The following CTNNA3 variants were observed in gnomAD, a reference collection of about 807,000 sequenced individuals.
The protein encoded by CTNNA3 is catenin alpha-3.
CTNNA3 carries 76 observed loss-of-function variants against 95.7 expected under a neutral mutation model. The ratio of observed to expected loss-of-function variants is 0.79; its 90% CI spans 0.66 to 0.96. The LOEUF (loss-of-function observed/expected upper bound fraction) is 0.96. Among genes scored for constraint, CTNNA3 ranks in the 40% least tolerant of loss-of-function variants. The probability of loss-of-function intolerance (pLI) is 0.00; values close to 1 mark genes in which losing one functional copy is unlikely to be tolerated. For synonymous variants in CTNNA3, 431 were observed against 374.4 expected, an observed-to-expected ratio of 1.15 and a Z score of -1.74; for missense variants, 1,191 against 1,089.8, an observed-to-expected ratio of 1.09 and a Z score of -1.31.
intron 5 of CTNNA3, among the ~76,000 whole-genome samples, chr10:67,480,879 A>C (rs1218271440): frequency 6.6e-6 from 1 of 152,132 alleles, no homozygotes; most frequent in African/African-American, 2.4e-5. Context: ...AGCAAACTGA[A>C]TCCAGTAGCA....
intron 3 of CTNNA3, among the ~76,000 whole-genome samples, chr10:67,575,589 G>C (rs935961311): frequency 1.3e-5 from 2 of 152,126 alleles, no homozygotes; most frequent in South Asian, 2.1e-4. Flanking sequence ...GAATTCAAGT[G>C]ATCACCTCAG....
At chr10:66,354,602 G>A (rs72802875) in intron 12 of CTNNA3, among the ~76,000 whole-genome samples, 6 of 152,092 alleles carry the variant, frequency 3.9e-5, no homozygotes, top group Admixed American at 3.3e-4. Flanking sequence ...TAAGTGGATC[G>A]TTGAAAATGC....
chr10:66,151,767 A>T (rs545052344), intron 13 of CTNNA3, among the ~76,000 whole-genome samples: 5 of 151,988 alleles, frequency 3.3e-5, no homozygotes, highest in Non-Finnish European at 7.4e-5. Flanking sequence ...AGTTTGAGTT[A>T]AGCTACACCA....
chr10:67,623,113 C>G (rs1167524584), intron 2 of CTNNA3, among the ~76,000 whole-genome samples: 3 of 152,016 alleles, frequency 2.0e-5, no homozygotes, highest in Non-Finnish European at 4.4e-5. Flanking sequence ...GAATAATCAG[C>G]AAGAGTACAA....
intron 2 of CTNNA3, among the ~76,000 whole-genome samples, chr10:67,616,745 A>T (rs541245789): frequency 2.0e-5 from 3 of 152,216 alleles, no homozygotes; most frequent in Non-Finnish European, 4.4e-5. Flanking sequence ...GAGTTTTTAA[A>T]GTGGAGACTA....
At chr10:66,352,174 T>A (rs2092571438) in intron 12 of CTNNA3, among the ~76,000 whole-genome samples, 1 of 151,978 alleles carries the variant, frequency 6.6e-6, no homozygotes, top group African/African-American at 2.4e-5. Context: ...ATGGAAGGAA[T>A]ATTTCATTAT....
At chr10:66,485,810 C>T (rs998018587) in intron 11 of CTNNA3, among the ~76,000 whole-genome samples, 4 of 151,990 alleles carry the variant, frequency 2.6e-5, no homozygotes, top group African/African-American at 9.7e-5. Flanking sequence ...AATAACAAAC[C>T]TAGAGGCATC....
chr10:66,781,319 T>C (rs74141675), intron 7 of CTNNA3, among the ~76,000 whole-genome samples: 19,453 of 152,242 alleles, frequency 0.13, 1,902 homozygotes, highest in African/African-American at 0.27. Context: ...AAAGATGAAA[T>C]ATGATACCCT....
intron 1 of CTNNA3, among the ~76,000 whole-genome samples, chr10:67,674,803 C>A (rs948797835): frequency 2.0e-5 from 3 of 149,892 alleles, no homozygotes; most frequent in African/African-American, 7.3e-5. Context: ...TGTTCATTTC[C>A]TTACTGACTT....
At chr10:67,069,901 G>A (rs1406289000) in intron 7 of CTNNA3, among the ~76,000 whole-genome samples, 1 of 152,096 alleles carries the variant, frequency 6.6e-6, no homozygotes, top group Non-Finnish European at 1.5e-5. Flanking sequence ...TGGTTAACAT[G>A]TGTACATATT....
At chr10:67,158,141 G>C (rs1861389561) in intron 7 of CTNNA3, among the ~76,000 whole-genome samples, 1 of 151,920 alleles carries the variant, frequency 6.6e-6, no homozygotes, top group South Asian at 2.1e-4. Context: ...TGTGTTACTG[G>C]CACTATTAAA....
At chr10:66,048,356 AC>A (rs2079874041) in intron 15 of CTNNA3, among the ~76,000 whole-genome samples, 1 of 152,222 alleles carries the variant, frequency 6.6e-6, no homozygotes, top group South Asian at 2.1e-4. Context: ...GACAAAGCTG[AC>A]AAAAATAAGC....
chr10:66,528,938 GAC>G (rs2132042736), intron 10 of CTNNA3, among the ~76,000 whole-genome samples: 1 of 152,144 alleles, frequency 6.6e-6, no homozygotes, highest in East Asian at 1.9e-4. Flanking sequence ...GGGTGTATCT[GAC>G]ACATCATTTA....
chr10:67,554,646 G>T (rs1841166781), intron 3 of CTNNA3, among the ~76,000 whole-genome samples: 1 of 152,102 alleles, frequency 6.6e-6, no homozygotes, highest in Non-Finnish European at 1.5e-5. Flanking sequence ...TGTAGATTCT[G>T]TATATTAGCC....
At chr10:66,905,764 C>A (rs1449816981) in intron 7 of CTNNA3, among the ~76,000 whole-genome samples, 9 of 152,124 alleles carry the variant, frequency 5.9e-5, no homozygotes, top group Admixed American at 5.9e-4. Flanking sequence ...TACATAATTT[C>A]ACTTACATGA....
chr10:67,138,628 G>C (rs938760491), intron 7 of CTNNA3, among the ~76,000 whole-genome samples: 2 of 152,122 alleles, frequency 1.3e-5, no homozygotes, highest in East Asian at 3.8e-4. Context: ...TTGTCTTGTC[G>C]TACAGCACTC....
chr10:67,302,894 A>C (rs1029908358), intron 5 of CTNNA3, among the ~76,000 whole-genome samples: 13 of 152,232 alleles, frequency 8.5e-5, no homozygotes, highest in Non-Finnish European at 4.4e-5. Flanking sequence ...GAATAAAAGG[A>C]CAATTTAATA....
chr10:67,009,553 A>T (rs1224932881), intron 7 of CTNNA3, among the ~76,000 whole-genome samples: 2 of 151,636 alleles, frequency 1.3e-5, no homozygotes, highest in African/African-American at 2.4e-5. Context: ...GCTTGTCCGT[A>T]TCATATCTAG....
At chr10:66,898,361 A>G (rs191069772) in intron 7 of CTNNA3, among the ~76,000 whole-genome samples, 121 of 134,256 alleles carry the variant, frequency 9.0e-4, no homozygotes, top group African/African-American at 2.5e-3. Flanking sequence ...ATGGAACTAC[A>G]AAGTATCTGT....
Sources: gnomAD v4.1 joint callset for allele counts (sites outside exome capture counted in the v4.1 genomes callset) on GRCh38, gnomAD v4.1.1 for gene constraint, MANE v1.5 for transcripts, NCBI Gene and HGNC (gene_info 2026-07-23, HGNC 2026-07-21) for gene names.